CDKAL1: variants seen among roughly 807,000 people sequenced by gnomAD.
CDKAL1 encodes the protein CDKAL1 threonylcarbamoyladenosine tRNA methylthiotransferase.
A neutral mutation model predicts 68.2 loss-of-function variants in CDKAL1; 32 were observed. That is an observed-to-expected ratio of 0.47 (90% CI 0.35 to 0.63). The LOEUF (loss-of-function observed/expected upper bound fraction) is 0.63, where lower values mean the gene tolerates loss of function less well. Ranked by LOEUF, CDKAL1 falls within the 30% of genes least tolerant of loss-of-function variation. The probability of loss-of-function intolerance (pLI) is 0.00; values close to 1 mark genes in which losing one functional copy is unlikely to be tolerated. For missense variants in CDKAL1, 606 were observed against 696.7 expected, an observed-to-expected ratio of 0.87 and a Z score of 1.47; for synonymous variants, 234 against 244.3, an observed-to-expected ratio of 0.96 and a Z score of 0.39.
intron 5 of CDKAL1, among the ~76,000 whole-genome samples, chr6:20,683,137 T>G (rs1440286821): frequency 6.6e-6 from 1 of 152,134 alleles, no homozygotes. Context: ...TATATTTTAT[T>G]GAGTAATGTG....
At chr6:21,229,287 T>A (rs1467902942) in intron 15 of CDKAL1, among the ~76,000 whole-genome samples, 1 of 152,164 alleles carries the variant, frequency 6.6e-6, no homozygotes, top group East Asian at 1.9e-4. Context: ...CCCAATCCTT[T>A]GAATTCAAAT....
intron 9 of CDKAL1, among the ~76,000 whole-genome samples, chr6:20,866,234 TA>T (rs1341827202): frequency 6.6e-6 from 1 of 152,136 alleles, no homozygotes; most frequent in African/African-American, 2.4e-5. Flanking sequence ...AAAAATAAAG[TA>T]AAAGCTAATG....
chr6:20,598,882 A>T (rs1194487364), intron 4 of CDKAL1, among the ~76,000 whole-genome samples: 1 of 152,110 alleles, frequency 6.6e-6, no homozygotes, highest in African/African-American at 2.4e-5. Context: ...TAATTATAAA[A>T]TATCTTTAAT....
chr6:20,930,699 C>G (rs1763401308), intron 9 of CDKAL1, among the ~76,000 whole-genome samples: 2 of 151,004 alleles, frequency 1.3e-5, no homozygotes, highest in Non-Finnish European at 2.9e-5. Context: ...TATGGATTAT[C>G]TCATTTAATG....
intron 4 of CDKAL1, among the ~76,000 whole-genome samples, chr6:20,570,213 C>G (rs9358344): frequency 1.3e-5 from 2 of 151,648 alleles, no homozygotes; most frequent in East Asian, 1.9e-4. Flanking sequence ...AAGCGATTCT[C>G]CTGCCTCAGC....
chr6:21,172,290 A>G (rs1467686440), intron 13 of CDKAL1, among the ~76,000 whole-genome samples: 5 of 152,174 alleles, frequency 3.3e-5, no homozygotes, highest in Non-Finnish European at 1.5e-5. Flanking sequence ...TCGTACCCCA[A>G]GGGAAAGGAT....
intron 13 of CDKAL1, among the ~76,000 whole-genome samples, chr6:21,166,410 A>C (rs555958920): frequency 6.6e-6 from 1 of 152,190 alleles, no homozygotes; most frequent in African/African-American, 2.4e-5. Context: ...GAAGAGGGAA[A>C]GGTAGGGTGA....
chr6:20,545,723 A>G (rs1763573472), intron 2 of CDKAL1, among the ~76,000 whole-genome samples: 1 of 152,114 alleles, frequency 6.6e-6, no homozygotes, highest in South Asian at 2.1e-4. Flanking sequence ...AAGCCACCCA[A>G]AGTGCTGGGA....
At chr6:21,213,243 T>A (rs1779225678) in intron 15 of CDKAL1, among the ~76,000 whole-genome samples, 1 of 152,212 alleles carries the variant, frequency 6.6e-6, no homozygotes, top group African/African-American at 2.4e-5. Flanking sequence ...ATGGTTTTGA[T>A]GTCGAAGTGA....
intron 2 of CDKAL1, among the ~76,000 whole-genome samples, chr6:20,541,789 T>C (rs376564285): frequency 3.3e-5 from 5 of 152,260 alleles, no homozygotes; most frequent in South Asian, 2.1e-4. Context: ...GCCTCCTGAG[T>C]AGCTGGGATT....
At position 20,916,101 on chromosome 6, in the gene CDKAL1, C is replaced by T. The variant is rs552739889; in HGVS notation, c.743-39318C>T. Among the ~76,000 whole-genome samples, 271 of 152,124 alleles carry T rather than the reference C, an allele frequency of 1.8e-3. 3 individuals are homozygous for T. Among genetic ancestry groups the T allele is most frequent in the Admixed American group, 0.013 (206 of 15,272 alleles). ...GTAGTGATGGAGCAGTTCTGTGTGC[C>T]GACTGTAGTAATAGTTACATGAATC... On this transcript the variant is annotated intron_variant, in intron 9 of 15. Transcript: ENST00000274695.
chr6:20,778,434 A>G (rs1775270620), intron 7 of CDKAL1, among the ~76,000 whole-genome samples: 1 of 152,250 alleles, frequency 6.6e-6, no homozygotes, highest in Admixed American at 6.5e-5. Context: ...ACAACTCAGT[A>G]AGACAAATAC....
chr6:21,162,474 A>G (rs1776967363), intron 13 of CDKAL1, among the ~76,000 whole-genome samples: 1 of 152,258 alleles, frequency 6.6e-6, no homozygotes. Context: ...GGTTTTGCCC[A>G]GAACCAGCTC....
intron 15 of CDKAL1, among the ~76,000 whole-genome samples, chr6:21,230,344 T>C (rs1166942193): frequency 6.6e-6 from 1 of 152,206 alleles, no homozygotes; most frequent in East Asian, 1.9e-4. Context: ...ATATTTTTAG[T>C]GGAGACGGGG....
intron 11 of CDKAL1, among the ~76,000 whole-genome samples, chr6:21,062,940 A>C (rs995255022): frequency 6.6e-6 from 1 of 151,652 alleles, no homozygotes; most frequent in Non-Finnish European, 1.5e-5. Flanking sequence ...TTTGAGACGA[A>C]GTCTTGTTCT....
chr6:20,930,629 A>G (rs1763398277), intron 9 of CDKAL1, among the ~76,000 whole-genome samples: 1 of 152,210 alleles, frequency 6.6e-6, no homozygotes, highest in Non-Finnish European at 1.5e-5. Flanking sequence ...ATCTTTCATA[A>G]TAATGACAGT....
intron 5 of CDKAL1, among the ~76,000 whole-genome samples, chr6:20,724,184 C>T (rs1478235826): frequency 3.3e-5 from 5 of 152,032 alleles, no homozygotes; most frequent in African/African-American, 9.7e-5. Context: ...GTGATCTGCC[C>T]GCCTTGGCCT....
At chr6:20,808,210 A>C (rs1776652878) in intron 8 of CDKAL1, among the ~76,000 whole-genome samples, 3 of 152,214 alleles carry the variant, frequency 2.0e-5, no homozygotes, top group Admixed American at 2.0e-4. Context: ...GTAAAATATT[A>C]TTCTTCCACA....
chr6:20,933,538 T>C (rs935589144), intron 9 of CDKAL1, among the ~76,000 whole-genome samples: 1 of 152,242 alleles, frequency 6.6e-6, no homozygotes, highest in Admixed American at 6.5e-5. Flanking sequence ...CTTATAAATA[T>C]ATGACTGGCA....
Sources: gnomAD v4.1 joint callset for allele counts (sites outside exome capture counted in the v4.1 genomes callset) on GRCh38, gnomAD v4.1.1 for gene constraint, MANE v1.5 for transcripts, NCBI Gene and HGNC (gene_info 2026-07-23, HGNC 2026-07-21) for gene names.